The following ATL2 variants were observed in gnomAD, a reference collection of about 807,000 sequenced individuals.
ATL2 encodes the protein atlastin GTPase 2, also known as atlastin-2.
ATL2 carries 31 observed loss-of-function variants against 73.9 expected under a neutral mutation model. That is an observed-to-expected ratio of 0.42 (90% CI 0.32 to 0.57). ATL2 has a LOEUF of 0.57. ATL2 is among the 20% of genes least tolerant of loss of function. ATL2 has a pLI of 0.14. For missense variants in ATL2, 738 were observed against 702.6 expected (o/e 1.05, Z -0.57); for synonymous variants, 291 against 237.5 (o/e 1.23, Z -2.07).
At chr2:38,367,039 T>A (rs1045300706) in intron 1 of ATL2, among the ~76,000 whole-genome samples, 1 of 152,070 alleles carries the variant, frequency 6.6e-6, no homozygotes, top group African/African-American at 2.4e-5. Flanking sequence ...AGTCTCACTA[T>A]GTCGCCCAGG....
chr2:38,307,295 T>C (rs1667502258), intron 9 of ATL2, among the ~76,000 whole-genome samples: 1 of 152,022 alleles, frequency 6.6e-6, no homozygotes, highest in Admixed American at 6.5e-5. Context: ...GCTTGCAGGG[T>C]ATTACTGAAG....
At chr2:38,351,442 T>G (rs903128956) in intron 1 of ATL2, among the ~76,000 whole-genome samples, 34 of 152,008 alleles carry the variant, frequency 2.2e-4, no homozygotes, top group African/African-American at 6.3e-4. Context: ...TGACATATTA[T>G]GCAGCCTAAA....
chr2:38,309,886 A>G (rs1415416332), intron 8 of ATL2, among the ~76,000 whole-genome samples: 2 of 152,186 alleles, frequency 1.3e-5, no homozygotes, highest in Non-Finnish European at 2.9e-5. Flanking sequence ...GCCATACTGT[A>G]AAAGTTTTGT....
chr2:38,300,082 C>G (rs1667103801), intron 10 of ATL2, among the ~76,000 whole-genome samples, 190 bp downstream of exon 10: 1 of 151,992 alleles, frequency 6.6e-6, no homozygotes, highest in African/African-American at 2.4e-5. Flanking sequence ...CATGGAAGGC[C>G]TACAATCTGC....
intron 1 of ATL2, among the ~76,000 whole-genome samples, chr2:38,352,188 C>G (rs1670396537): frequency 8.1e-6 from 1 of 123,998 alleles, no homozygotes; most frequent in Non-Finnish European, 1.7e-5. Flanking sequence ...GGGAAAAGGG[C>G]AGACTACAAA....
chr2:38,306,108 A>G (rs1317693341), intron 9 of ATL2, among the ~76,000 whole-genome samples: 1 of 152,212 alleles, frequency 6.6e-6, no homozygotes, highest in Non-Finnish European at 1.5e-5. Flanking sequence ...AGAGGCTACC[A>G]TGAACAACTA....
intron 1 of ATL2, among the ~76,000 whole-genome samples, chr2:38,372,527 GA>G (rs914455342): frequency 6.6e-6 from 1 of 152,142 alleles, no homozygotes; most frequent in African/African-American, 2.4e-5. Flanking sequence ...ACTGTACTTG[GA>G]AACTGCCATA....
At chr2:38,353,391 A>T (rs568994067) in intron 1 of ATL2, among the ~76,000 whole-genome samples, 1 of 152,302 alleles carries the variant, frequency 6.6e-6, no homozygotes, top group Admixed American at 6.5e-5. Flanking sequence ...ATCAAAAGAG[A>T]TTTTCTAATC....
chr2:38,340,565 C>T lies in ATL2; in HGVS notation c.363+2703G>A, dbSNP rs1351121578. On this transcript the variant is annotated intron_variant, in intron 2 of 12. Transcript: ENST00000378954. ...ACTCACTACTTTCATCAACTGCATA[C>T]TTACATACATTGACTCAAGTCAACA... 4.6e-5 allele frequency among the ~76,000 whole-genome samples: 7 copies of T among 151,464 alleles called. No homozygotes were observed. The East Asian group carries it at 1.2e-3, about 25-fold the overall frequency.
intron 1 of ATL2, among the ~76,000 whole-genome samples, chr2:38,346,870 C>A (rs1026128982): frequency 6.6e-6 from 1 of 152,164 alleles, no homozygotes; most frequent in Non-Finnish European, 1.5e-5. Flanking sequence ...GATCCTCATG[C>A]TGCTAAGCTC....
At chr2:38,330,160 T>C (rs1052554331) in intron 2 of ATL2, among the ~76,000 whole-genome samples, 1 of 137,444 alleles carries the variant, frequency 7.3e-6, no homozygotes, top group Admixed American at 7.3e-5. Flanking sequence ...AAACACATGA[T>C]AATATCAATA....
intron 10 of ATL2, among the ~76,000 whole-genome samples, chr2:38,299,802 G>A (rs1274196310): frequency 1.3e-5 from 2 of 152,186 alleles, no homozygotes; most frequent in Non-Finnish European, 1.5e-5. Flanking sequence ...TTTAAAATAT[G>A]AATGGGGTAA....
chr2:38,325,385 C>G (rs757572927), intron 2 of ATL2, among the ~76,000 whole-genome samples: 1 of 152,036 alleles, frequency 6.6e-6, no homozygotes, highest in Non-Finnish European at 1.5e-5. Context: ...GGTAGGAACA[C>G]TTAAATGGCA....
Position 38,310,440 on chromosome 2 carries a change from T to G in ATL2, c.812A>C (p.Gln271Pro). The G allele has an allele frequency of 6.3e-7, 1 of 1,591,660 alleles. No individual in the cohort carries two copies. Among genetic ancestry groups the G allele is most frequent in the Non-Finnish European group, 8.5e-7 (1 of 1,171,780 alleles). Residue 271 changes from glutamine (Q) to proline (P), a missense_variant, in exon 8 of 13, where the codon CAA (glutamine) becomes CCA (proline). Gln to Pro is a moderately conservative substitution (Grantham distance 76, BLOSUM62 -1). Transcript: ENST00000378954. ...QFLEKRLQVK[Q>P]NQHEELQNVR... Reference sequence around the variant, plus strand: ...ATTCTGAAGCTCTTCATGTTGATTTTGTTTTACCTGAGGGCGGAGAGAGAC... The same window carrying G: ...ATTCTGAAGCTCTTCATGTTGATTTGGTTTTACCTGAGGGCGGAGAGAGAC...
intron 2 of ATL2, among the ~76,000 whole-genome samples, chr2:38,331,814 T>C (rs1669013717): frequency 6.6e-6 from 1 of 151,806 alleles, no homozygotes; most frequent in Non-Finnish European, 1.5e-5. Context: ...AAGAACCCTC[T>C]TTCACATCAT....
chr2:38,352,817 G>T (rs1426809909), intron 1 of ATL2, among the ~76,000 whole-genome samples: 1 of 152,126 alleles, frequency 6.6e-6, no homozygotes, highest in Non-Finnish European at 1.5e-5. Flanking sequence ...TCCAATCAAA[G>T]CCTAAATAAA....
chr2:38,299,208 T>C (rs1422454637), intron 11 of ATL2, 48 bp downstream of exon 11: 16 of 1,454,034 alleles, frequency 1.1e-5, no homozygotes, highest in Non-Finnish European at 1.4e-5. Context: ...TTTTTTTAAT[T>C]TAAAAATCTT....
At chr2:38,375,060 C>T (rs758731686) in intron 1 of ATL2, among the ~76,000 whole-genome samples, 7 of 152,136 alleles carry the variant, frequency 4.6e-5, no homozygotes, top group Non-Finnish European at 8.8e-5. Flanking sequence ...ACTTAAAAAG[C>T]CAATAAAATG....
intron 2 of ATL2, among the ~76,000 whole-genome samples, chr2:38,323,001 G>T (rs931975461): frequency 6.6e-6 from 1 of 152,160 alleles, no homozygotes; most frequent in African/African-American, 2.4e-5. Context: ...ATAAAATACA[G>T]TCATTCATTC....
Sources: gnomAD v4.1 joint callset for allele counts (sites outside exome capture counted in the v4.1 genomes callset) on GRCh38, gnomAD v4.1.1 for gene constraint, MANE v1.5 for transcripts, NCBI Gene and HGNC (gene_info 2026-07-23, HGNC 2026-07-21) for gene names.